Variants in RILPL1 observed in about 807,000 individuals in gnomAD.
RILPL1 encodes Rab interacting lysosomal protein like 1.
Under a neutral mutation model 50.3 loss-of-function variants are expected in RILPL1, and 33 were observed. The observed-to-expected ratio is 0.66, with a 90% CI of 0.50 to 0.88. RILPL1 has a LOEUF of 0.88. Ranked by LOEUF, RILPL1 falls within the 40% of genes least tolerant of loss-of-function variation. RILPL1 has a pLI of 0.00. For missense variants in RILPL1, 418 were observed against 542.5 expected (o/e 0.77, Z 2.28); for synonymous variants, 205 against 228.6 (o/e 0.90, Z 0.93).
chr12:123,523,709 G>T (rs576272083), intron 1 of RILPL1, 64 bp from the exon 2 acceptor site: 2 of 1,548,454 alleles, frequency 1.3e-6, no homozygotes, highest in East Asian at 4.7e-5. Context: ...CACCCACTCC[G>T]ACCCTCAGGG....
chr12:123,516,242 C>T (rs899090824), intron 2 of RILPL1, among the ~76,000 whole-genome samples: 2 of 152,128 alleles, frequency 1.3e-5, no homozygotes, highest in African/African-American at 2.4e-5. Flanking sequence ...AAGTTGGTCT[C>T]GGATCACCTG....
chr12:123,485,506 A>G lies in RILPL1; in HGVS notation c.974+127T>C, dbSNP rs550649066. On this transcript the variant is annotated intron_variant, in intron 5 of 6. Transcript: ENST00000376874. The surrounding 1 kb of genome is among the most constrained non-coding windows in gnomAD (Gnocchi z 4.0). Reference sequence around the variant, plus strand: ...CTTGTATGTAAGTTCTTTAGGCCAGAGAGGGTACCCAAAAAAAACACTGAT... The same window carrying G: ...CTTGTATGTAAGTTCTTTAGGCCAGGGAGGGTACCCAAAAAAAACACTGAT... 24 of 873,672 alleles carry G rather than the reference A, an allele frequency of 2.7e-5. No homozygotes were observed. Among genetic ancestry groups the G allele is most frequent in the Non-Finnish European group, 3.9e-5 (22 of 566,118 alleles). The allele number at this position is 873,672 out of a possible 1,614,324, so 54.1% of individuals were successfully genotyped here.
At chr12:123,516,519 C>G (rs1442003984) in intron 2 of RILPL1, among the ~76,000 whole-genome samples, 5 of 152,260 alleles carry the variant, frequency 3.3e-5, no homozygotes, top group Non-Finnish European at 7.3e-5. Flanking sequence ...ACTCCCTCCC[C>G]TCTGGGGGCA....
At chr12:123,475,764 T>C (rs1186264261) in intron 6 of RILPL1, 2 of 1,525,138 alleles carry the variant, frequency 1.3e-6, no homozygotes, top group African/African-American at 1.4e-5. Flanking sequence ...GTTAGAGAAG[T>C]ACAGATAGAC....
intron 2 of RILPL1, among the ~76,000 whole-genome samples, chr12:123,512,540 CTG>C (rs1884396395): frequency 4.3e-5 from 2 of 46,540 alleles, no homozygotes; most frequent in Non-Finnish European, 8.5e-5. Context: ...TGTGTGTGGT[CTG>C]TGTGTGGTGT....
Position 123,533,300 on chromosome 12 carries a change from C to T in RILPL1, c.183G>A (p.Leu61=). The T allele has an allele frequency of 6.3e-7, 1 of 1,585,066 alleles. No individual in the cohort carries two copies. Among genetic ancestry groups the T allele is most frequent in the Non-Finnish European group, 8.5e-7 (1 of 1,170,172 alleles). Reference sequence around the variant, plus strand: ...GGCTGACCAGCACCTCCAGGATCTCCAGGACGCGCACGACCTTGGGCATGA... The same window carrying T: ...GGCTGACCAGCACCTCCAGGATCTCTAGGACGCGCACGACCTTGGGCATGA... ...ARLMPKVVRV[L]EILEVLVSRH... is the part of the protein sequence containing the mutation. The change falls in exon 1 of 7, where the codon CTG becomes CTA. Residue 61 remains leucine, a synonymous_variant. Transcript: ENST00000376874. This position sits in a 1 kb window ranked among gnomAD's most constrained non-coding sequence, Gnocchi z 6.2.
intron 1 of RILPL1, among the ~76,000 whole-genome samples, chr12:123,527,700 A>T (rs61953540): frequency 0.17 from 26,262 of 152,054 alleles, 2,419 homozygotes; most frequent in Middle Eastern, 0.24. Flanking sequence ...ATGATTCTGG[A>T]TTATCTGGCT....
chr12:123,510,363 G>A (rs1277630553), intron 2 of RILPL1, among the ~76,000 whole-genome samples: 1 of 152,194 alleles, frequency 6.6e-6, no homozygotes, highest in Non-Finnish European at 1.5e-5. Context: ...TGTGGGGGGT[G>A]TGGTGTGTGT....
At chr12:123,500,151 C>T (rs984934116) in intron 2 of RILPL1, among the ~76,000 whole-genome samples, 6 of 151,924 alleles carry the variant, frequency 3.9e-5, no homozygotes, top group Admixed American at 6.6e-5. Flanking sequence ...AGGATGGTCT[C>T]GATCTCCTGA....
intron 2 of RILPL1, among the ~76,000 whole-genome samples, chr12:123,507,002 G>A (rs2139352927): frequency 6.6e-6 from 1 of 152,206 alleles, no homozygotes; most frequent in East Asian, 1.9e-4. Flanking sequence ...ATGAAAAGAA[G>A]GGGCAAGAAT....
chr12:123,522,831 G>A lies in RILPL1; in HGVS notation c.460+664C>T, dbSNP rs1236606433. ...TGGTCTCAAACTCCTGGCTCCAAGT[G>A]ATCTTCCTGCTTCAGCCTCCCAAAG... On this transcript the variant is annotated intron_variant, in intron 2 of 6. Coordinates refer to ENST00000376874, the MANE Select transcript of RILPL1 (RefSeq NM_178314.5). The surrounding 1 kb of genome is among the most constrained non-coding windows in gnomAD (Gnocchi z 4.0). 1.3e-5 allele frequency among the ~76,000 whole-genome samples: 2 copies of A among 152,114 alleles called. No individual in the cohort carries two copies. The highest frequency in any genetic ancestry group is 2.1e-4 in the South Asian group (1 of 4,828).
chr12:123,500,385 G>C (rs965431552), intron 2 of RILPL1, among the ~76,000 whole-genome samples: 1 of 147,492 alleles, frequency 6.8e-6, no homozygotes, highest in African/African-American at 2.5e-5. Flanking sequence ...CTAGGCTCAA[G>C]TGATCTTCCC....
chr12:123,481,713 C>T (rs369320091), intron 6 of RILPL1, among the ~76,000 whole-genome samples: 3 of 151,536 alleles, frequency 2.0e-5, no homozygotes, highest in Non-Finnish European at 2.9e-5. Flanking sequence ...TGTGCCACCA[C>T]GCCCGGCTGA....
At chr12:123,484,576 T>C (rs1189455999) in intron 5 of RILPL1, among the ~76,000 whole-genome samples, 2 of 151,752 alleles carry the variant, frequency 1.3e-5, no homozygotes, top group African/African-American at 4.8e-5. Flanking sequence ...GTTCAAATGC[T>C]GCTTCCTCCA....
At chr12:123,530,060 T>G (rs1003145757) in intron 1 of RILPL1, among the ~76,000 whole-genome samples, 17 of 151,834 alleles carry the variant, frequency 1.1e-4, no homozygotes, top group African/African-American at 4.1e-4. Context: ...AAAAAAAGAG[T>G]GCAGAATATC....
chr12:123,511,242 GGTGT>G (rs774117218), intron 2 of RILPL1, among the ~76,000 whole-genome samples: 6 of 135,198 alleles, frequency 4.4e-5, no homozygotes, highest in Admixed American at 7.4e-5. Context: ...GTCTGTGTGT[GGTGT>G]GTGTGTGAGG....
rs73216948 is a variant in RILPL1, at chr12:123,491,209, C to A, written c.802-5404G>T. Among the ~76,000 whole-genome samples, 503 of 152,312 alleles carry A rather than the reference C, an allele frequency of 3.3e-3. 2 individuals are homozygous for A. The highest frequency in any genetic ancestry group is 5.7e-3 in the Non-Finnish European group (389 of 68,028). On this transcript the variant is annotated intron_variant, in intron 4 of 6. Coordinates refer to ENST00000376874, the MANE Select transcript of RILPL1 (RefSeq NM_178314.5). This position sits in a 1 kb window ranked among gnomAD's most constrained non-coding sequence, Gnocchi z 4.0. ...AGGAGGCTCTTTCCAAGATGGCAAT[C>A]GAGCTCCATCTGCCGTGGTCCTCCT...
chr12:123,531,003 T>G (rs1885423578), intron 1 of RILPL1, among the ~76,000 whole-genome samples: 1 of 103,768 alleles, frequency 9.6e-6, no homozygotes, highest in South Asian at 3.6e-4. Context: ...GAAGAAGGGG[T>G]AGGGAAGAAG....
rs543740859 is a variant in RILPL1, at chr12:123,486,872, C to T, written c.802-1067G>A. Among the ~76,000 whole-genome samples the T allele has an allele frequency of 3.0e-4, 45 of 151,978 alleles. 2 individuals are homozygous for T. In the South Asian group the frequency reaches 9.4e-3, roughly 32 times the overall value. ...GGAGTGCAGTGGCACGATCTCAGCT[C>T]ACTGCAAACTCCACCACCCGGGTTC... On this transcript the variant is annotated intron_variant, in intron 4 of 6. Coordinates refer to ENST00000376874, the MANE Select transcript of RILPL1 (RefSeq NM_178314.5).
Sources: gnomAD v4.1 joint callset for allele counts (sites outside exome capture counted in the v4.1 genomes callset) on GRCh38, gnomAD v4.1.1 for gene constraint, Gnocchi (gnomAD v3.1) non-coding constraint, MANE v1.5 for transcripts, NCBI Gene and HGNC (gene_info 2026-07-23, HGNC 2026-07-21) for gene names.